MAN1C1: variants seen among roughly 807,000 people sequenced by gnomAD.
MAN1C1 encodes mannosyl-oligosaccharide 1,2-alpha-mannosidase IC.
In MAN1C1, 49 loss-of-function variants were observed where a neutral mutation model predicts 71.5. The ratio of observed to expected loss-of-function variants is 0.69; its 90% confidence interval spans 0.54 to 0.87. The LOEUF is 0.87. MAN1C1 is among the 40% of genes least tolerant of loss of function. MAN1C1 has a pLI of 0.00. For synonymous variants in MAN1C1, 352 were observed against 343.7 expected, an observed-to-expected ratio of 1.02 and a Z score of -0.27; for missense variants, 743 against 835.0, an observed-to-expected ratio of 0.89 and a Z score of 1.36.
intron 1 of MAN1C1, among the ~76,000 whole-genome samples, chr1:25,642,403 C>T (rs958698426): frequency 3.9e-5 from 6 of 152,246 alleles, no homozygotes; most frequent in African/African-American, 1.4e-4. Flanking sequence ...TCATCTCAGC[C>T]ATGCCAGGTG....
intron 1 of MAN1C1, among the ~76,000 whole-genome samples, chr1:25,677,158 AT>A (rs1191137076): frequency 6.6e-6 from 1 of 152,194 alleles, no homozygotes; most frequent in Non-Finnish European, 1.5e-5. Flanking sequence ...ATTCCGTGTC[AT>A]TTTGATTTGT....
At chr1:25,740,910 G>A (rs549316724) in intron 2 of MAN1C1, among the ~76,000 whole-genome samples, 1 of 152,154 alleles carries the variant, frequency 6.6e-6, no homozygotes, top group South Asian at 2.1e-4. Context: ...GGTGAGATGT[G>A]GGCAGTGTCT....
chr1:25,749,571 C>A (rs760602), intron 4 of MAN1C1, among the ~76,000 whole-genome samples: 1 of 151,940 alleles, frequency 6.6e-6, no homozygotes, highest in East Asian at 1.9e-4. Flanking sequence ...GACGGCCCCC[C>A]AGGGCTGAAT....
chr1:25,699,862 C>A (rs2046415798), intron 2 of MAN1C1, among the ~76,000 whole-genome samples: 1 of 152,184 alleles, frequency 6.6e-6, no homozygotes, highest in Non-Finnish European at 1.5e-5. Flanking sequence ...GGAGCCAGGG[C>A]TTCACTTCCC....
At chr1:25,663,559 G>A (rs79517090) in intron 1 of MAN1C1, among the ~76,000 whole-genome samples, 4 of 152,162 alleles carry the variant, frequency 2.6e-5, no homozygotes, top group South Asian at 2.1e-4. Flanking sequence ...TGTACTGTAC[G>A]TACCTATTTT....
intron 1 of MAN1C1, among the ~76,000 whole-genome samples, chr1:25,621,766 G>A (rs954773937): frequency 2.0e-5 from 3 of 152,036 alleles, no homozygotes; most frequent in African/African-American, 7.2e-5. Context: ...AAGTAACTGG[G>A]ATTCCAGGCG....
intron 1 of MAN1C1, among the ~76,000 whole-genome samples, chr1:25,643,205 C>T (rs2124761495): frequency 6.6e-6 from 1 of 151,756 alleles, no homozygotes; most frequent in African/African-American, 2.4e-5. Context: ...TTTTGTCTGG[C>T]TGCAGTCCTT....
chr1:25,690,101 T>G (rs931721221), intron 2 of MAN1C1, among the ~76,000 whole-genome samples: 1 of 152,148 alleles, frequency 6.6e-6, no homozygotes. Flanking sequence ...ACAAGATCTC[T>G]GGGTGAGGCG....
At chr1:25,709,370 G>A (rs1231245995) in intron 2 of MAN1C1, among the ~76,000 whole-genome samples, 2 of 152,210 alleles carry the variant, frequency 1.3e-5, no homozygotes, top group African/African-American at 4.8e-5. Flanking sequence ...CTCAATGCTG[G>A]CATGTAGTAG....
At chr1:25,726,576 A>G (rs747064416) in intron 2 of MAN1C1, among the ~76,000 whole-genome samples, 7 of 152,196 alleles carry the variant, frequency 4.6e-5, no homozygotes, top group Admixed American at 1.3e-4. Flanking sequence ...GGTGGGCCCC[A>G]TCTCACCTGT....
At chr1:25,733,048 GCTCCCC>G (rs1387149023) in intron 2 of MAN1C1, among the ~76,000 whole-genome samples, 3 of 152,162 alleles carry the variant, frequency 2.0e-5, no homozygotes, top group African/African-American at 7.2e-5. Context: ...ACAGCTGGAG[GCTCCCC>G]CAGGAGCTGA....
chr1:25,652,684 G>A (rs12401509), intron 1 of MAN1C1, among the ~76,000 whole-genome samples: 13,351 of 152,212 alleles, frequency 0.088, 1,290 homozygotes, highest in East Asian at 0.22. Flanking sequence ...TGGTGGGCCC[G>A]GAGCAAAATT....
chr1:25,771,639 TCCTCTTTCC>T lies in MAN1C1; in HGVS notation c.1142-16_1142-8del, dbSNP rs1474563521. ...GCGGCAGATGGAGATAATGTTCTTG[TCCTCTTTCC>T]CTTCACAGACCATGTCTCAGTTGGA... On this transcript the variant is annotated splice_polypyrimidine_tract_variant and intron_variant, in intron 7 of 11. Transcript: ENST00000374332. The T allele has an allele frequency of 1.3e-6, 2 of 1,586,664 alleles. No homozygotes were observed. The highest frequency in any genetic ancestry group is 2.7e-5 in the African/African-American group (2 of 74,386).
intron 2 of MAN1C1, among the ~76,000 whole-genome samples, chr1:25,719,337 T>A: frequency 6.6e-6 from 1 of 150,688 alleles, no homozygotes. Context: ...CCTCCCAAAG[T>A]GCTGGGATTA....
At chr1:25,702,609 G>A (rs1482742634) in intron 2 of MAN1C1, among the ~76,000 whole-genome samples, 2 of 152,190 alleles carry the variant, frequency 1.3e-5, no homozygotes, top group Non-Finnish European at 2.9e-5. Context: ...CAGGGGGCCT[G>A]GTTCACCATT....
In MAN1C1 at chr1:25,693,419, CAG is replaced by C. The variant is rs199633854; in HGVS notation, c.637+6884_637+6885del. 2.4e-3 allele frequency among the ~76,000 whole-genome samples: 366 copies of C among 152,228 alleles called. 1 individual carries two copies. The highest frequency in any genetic ancestry group is 4.2e-3 in the Non-Finnish European group (288 of 68,014). ...CCAAGGTGGGCAGAGCCCCTGAGGT[CAG>C]GAGTTCGAAACCAGCCTGGCCAACA... On this transcript the variant is annotated intron_variant, in intron 2 of 11. Coordinates refer to ENST00000374332, the MANE Select transcript of MAN1C1 (RefSeq NM_020379.4).
chr1:25,783,973 GC>G lies in MAN1C1; in HGVS notation c.*186del. The G allele has an allele frequency of 1.3e-6, 1 of 758,326 alleles. No individual in the cohort carries two copies. The highest frequency in any genetic ancestry group is 2.1e-6 in the Non-Finnish European group (1 of 487,110). 47.0% of individuals were successfully genotyped at this position (758,326 alleles called of 1,614,324 possible). On this transcript the variant is annotated 3_prime_UTR_variant, in exon 12 of 12. Coordinates refer to ENST00000374332, the MANE Select transcript of MAN1C1 (RefSeq NM_020379.4). Reference sequence around the variant, plus strand: ...AGACTTGGAGACTCAGCGATGTCAGGCCAGGGCCATGGCCACACTGGCCCAC... The same window carrying G: ...AGACTTGGAGACTCAGCGATGTCAGGCAGGGCCATGGCCACACTGGCCCAC...
intron 2 of MAN1C1, among the ~76,000 whole-genome samples, chr1:25,703,143 G>A (rs757990838): frequency 2.6e-5 from 4 of 152,202 alleles, no homozygotes; most frequent in Admixed American, 2.6e-4. Context: ...ACAGTTAACC[G>A]GGTTAGGATC....
At chr1:25,694,242 AC>A (rs1312292114) in intron 2 of MAN1C1, among the ~76,000 whole-genome samples, 1 of 152,140 alleles carries the variant, frequency 6.6e-6, no homozygotes, top group African/African-American at 2.4e-5. Context: ...CAGCAGACAG[AC>A]CCTGTAAAAA....
Sources: allele counts gnomAD v4.1 joint callset (sites outside exome capture counted in the v4.1 genomes callset), GRCh38; gene constraint gnomAD v4.1.1; transcripts MANE v1.5; gene names NCBI Gene and HGNC (gene_info 2026-07-23, HGNC 2026-07-21).